The following FMR1NB variants were observed in gnomAD, a reference collection of about 807,000 sequenced individuals.
FMR1NB encodes the protein FMR1 neighbor.
A neutral mutation model predicts 16.8 loss-of-function variants in FMR1NB; 10 were observed. That is an observed-to-expected ratio of 0.60 (90% confidence interval 0.37 to 1.01). The LOEUF is 1.01. FMR1NB is among the 50% of genes least tolerant of loss of function. The pLI is 0.01. For missense variants in FMR1NB, 205 were observed against 204.8 expected (o/e 1.00, Z 0.00); for synonymous variants, 83 against 79.1 (o/e 1.05, Z -0.26).
chrX:148,020,926 A>G (rs1422035010), intron 4 of FMR1NB, among the ~76,000 whole-genome samples: 1 of 111,627 alleles, frequency 9.0e-6, no homozygotes, highest in Non-Finnish European at 1.9e-5. Context: ...TGCTTCCTAA[A>G]TCCACTGACT....
rs541079102 is a variant in FMR1NB at position 148,017,523 on chromosome X, ATTTTCTTTTT to A, written c.633-7328_633-7319del. On this transcript the variant is annotated intron_variant, in intron 4 of 5. Transcript: ENST00000370467. ...CTCTTAGATTTGTCCTTTTGAGACT[ATTTTCTTTTT>A]TTTTCTTTTTTTTAATTTTTTAAAT... 2.1e-4 allele frequency among the ~76,000 whole-genome samples: 22 copies of A among 106,627 alleles called. No individual in the cohort carries two copies. The South Asian group carries it at 2.9e-3, about 14-fold the overall frequency. The allele number at this position is 106,627 out of a possible 115,157, so 92.6% of individuals were successfully genotyped here. A position where few individuals can be genotyped will look rare whatever the true frequency, so the allele number is the denominator to read the frequency against.
intron 4 of FMR1NB, among the ~76,000 whole-genome samples, chrX:148,023,732 G>T (rs1777721951): frequency 9.0e-6 from 1 of 111,575 alleles, no homozygotes; most frequent in African/African-American, 3.3e-5. Flanking sequence ...TCTTTAGAAA[G>T]TAAAAGCCCT....
chrX:147,990,876 T>C (rs1380880255), intron 1 of FMR1NB, among the ~76,000 whole-genome samples: 2 of 109,930 alleles, frequency 1.8e-5, no homozygotes, highest in Admixed American at 1.9e-4. Flanking sequence ...GGACTAACCT[T>C]CTTCACCACA....
chrX:147,990,294 C>G (rs1160801171), intron 1 of FMR1NB, among the ~76,000 whole-genome samples: 12 of 111,514 alleles, frequency 1.1e-4, no homozygotes, highest in Admixed American at 6.6e-4. Flanking sequence ...CACCCTGCTT[C>G]TACTCACCCT....
chrX:148,024,874 C>G lies in FMR1NB; in HGVS notation c.642C>G (p.Ala214=). The G allele has an allele frequency of 8.3e-7, 1 of 1,208,065 alleles. No individual in the cohort carries two copies. The highest frequency in any genetic ancestry group is 1.1e-6 in the Non-Finnish European group (1 of 893,610). Reference sequence around the variant, plus strand: ...ACTTTTTATGTTACAGCGAACCGGCCGATGATTTACAAAGGCAGGACAACA... The same window carrying G: ...ACTTTTTATGTTACAGCGAACCGGCGGATGATTTACAAAGGCAGGACAACA... ...CRSLFWRSEP[A]DDLQRQDNRV... Residue 214 remains alanine (A), a synonymous_variant, in exon 5 of 6, where the codon GCC becomes GCG. Transcript: ENST00000370467.
chrX:148,003,449 C>T (rs2044581056), intron 2 of FMR1NB, 129 bp downstream of exon 2: 1 of 709,559 alleles, frequency 1.4e-6, no homozygotes, highest in African/African-American at 2.2e-5. Flanking sequence ...CCTGGCTCTG[C>T]TCTTTGGCTT....
At chrX:148,007,582 C>CA (rs1224238658) in intron 3 of FMR1NB, among the ~76,000 whole-genome samples, 5 of 112,112 alleles carry the variant, frequency 4.5e-5, no homozygotes, top group African/African-American at 1.6e-4. Context: ...TGAGCCACCA[C>CA]ACCGAGTCTT....
rs782468233 is a variant in FMR1NB at position 147,981,425 on chromosome X, C to T, written c.23C>T (p.Ala8Val). 14 of 1,210,208 alleles carry T rather than the reference C, an allele frequency of 1.2e-5. No individual in the cohort carries two copies. The highest frequency in any genetic ancestry group is 3.0e-5 in the East Asian group (1 of 33,776). MSSHRRK[A>V]KGRNRRSHRA... is the part of the protein sequence containing the mutation. ...GCCATGTCTTCACATAGGAGGAAAG[C>T]GAAGGGGAGGAATAGGAGAAGTCAC... Residue 8 changes from alanine to valine, a missense_variant, in exon 1 of 6, where the codon GCG becomes GTG. Transcript: ENST00000370467.
intron 1 of FMR1NB, among the ~76,000 whole-genome samples, chrX:147,994,514 G>A (rs782436319): frequency 1.6e-3 from 178 of 112,197 alleles, no homozygotes; most frequent in African/African-American, 5.5e-3. Context: ...AAACACCAAA[G>A]TATTTCTGAA....
chrX:148,026,543 A>G lies in FMR1NB; in HGVS notation c.*55A>G, dbSNP rs1258495965. ...AGACAACAGAAACCATTCAGAGCAG[A>G]GGGGACTGTCTCAGCCATGCAAACC... On this transcript the variant is annotated 3_prime_UTR_variant, in exon 6 of 6. Transcript: ENST00000370467. 2 of 111,668 alleles carry G rather than the reference A, an allele frequency of 1.8e-5. No individual in the cohort carries two copies. The highest frequency in any genetic ancestry group is 6.5e-5 in the African/African-American group (2 of 30,733). The allele number at this position is 111,668 out of a possible 1,213,427, so 9.2% of individuals were successfully genotyped here. A position where few individuals can be genotyped will look rare whatever the true frequency, so the allele number is the denominator to read the frequency against.
At position 148,008,712 on chromosome X, in the gene FMR1NB, G is replaced by A; in HGVS notation, c.632+1G>A. ...ATTGCCGCTCTCTTTTCTGGAGGAG[G>A]TAGGTGAACATAAACTTTTATTTGC... On this transcript the variant is annotated splice_donor_variant, in intron 4 of 5. Coordinates refer to ENST00000370467, the MANE Select transcript of FMR1NB (RefSeq NM_152578.3). LOFTEE classifies it high-confidence loss of function. 8.3e-7 allele frequency: 1 copy of A among 1,207,976 alleles called. No individual in the cohort carries two copies. The highest frequency in any genetic ancestry group is 1.1e-6 in the Non-Finnish European group (1 of 892,310).
intron 5 of FMR1NB, among the ~76,000 whole-genome samples, 181 bp from the exon 6 acceptor site, chrX:148,026,321 A>G (rs1012025950): frequency 2.7e-5 from 3 of 111,883 alleles, no homozygotes; most frequent in Non-Finnish European, 5.6e-5. Flanking sequence ...TCTGTTTTAT[A>G]TGTATGCCTC....
At chrX:148,023,866 G>A (rs1205973096) in intron 4 of FMR1NB, among the ~76,000 whole-genome samples, 1 of 111,267 alleles carries the variant, frequency 9.0e-6, no homozygotes, top group Non-Finnish European at 1.9e-5. Context: ...TAGTGTAGTA[G>A]GAGAGAGATT....
At chrX:148,022,099 A>G (rs2044682300) in intron 4 of FMR1NB, among the ~76,000 whole-genome samples, 1 of 111,102 alleles carries the variant, frequency 9.0e-6, no homozygotes, top group African/African-American at 3.3e-5. Context: ...AGCTCACTTA[A>G]CATTTCCAGC....
At chrX:147,992,157 C>A (rs1193163607) in intron 1 of FMR1NB, among the ~76,000 whole-genome samples, 2 of 109,914 alleles carry the variant, frequency 1.8e-5, no homozygotes, top group Admixed American at 1.9e-4. Flanking sequence ...CCGTCCCGTT[C>A]TCAATGAGCT....
chrX:148,002,123 A>C (rs2044573727), intron 1 of FMR1NB, among the ~76,000 whole-genome samples: 1 of 111,766 alleles, frequency 8.9e-6, no homozygotes, highest in Non-Finnish European at 1.9e-5. Context: ...ATAACATTTT[A>C]AGCTTCTGAG....
At chrX:148,013,538 G>C (rs1370826085) in intron 4 of FMR1NB, among the ~76,000 whole-genome samples, 1 of 112,114 alleles carries the variant, frequency 8.9e-6, no homozygotes, top group East Asian at 2.8e-4. Flanking sequence ...AAAGATCTGC[G>C]TTCTCATTCT....
At chrX:147,999,127 C>G (rs1301503323) in intron 1 of FMR1NB, among the ~76,000 whole-genome samples, 1 of 111,671 alleles carries the variant, frequency 9.0e-6, no homozygotes, top group Non-Finnish European at 1.9e-5. Context: ...CAAGGGCAAG[C>G]CTGTCCAGCA....
At chrX:147,983,650 A>T (rs1281606278) in intron 1 of FMR1NB, among the ~76,000 whole-genome samples, 1 of 112,009 alleles carries the variant, frequency 8.9e-6, no homozygotes, top group Non-Finnish European at 1.9e-5. Context: ...CAGATACCTG[A>T]TTTGCAAATG....
Sources: allele counts gnomAD v4.1 joint callset (sites outside exome capture counted in the v4.1 genomes callset), GRCh38; gene constraint gnomAD v4.1.1; transcripts MANE v1.5; gene names NCBI Gene and HGNC (gene_info 2026-07-23, HGNC 2026-07-21).